ANKRD27: variants seen among roughly 807,000 people sequenced by gnomAD.
ANKRD27 encodes ankyrin repeat domain-containing protein 27.
A neutral mutation model predicts 129.7 loss-of-function variants in ANKRD27; 112 were observed. The observed-to-expected ratio is 0.86, with a 90% CI of 0.74 to 1.01. The LOEUF is 1.01. Ranked by LOEUF, ANKRD27 falls within the 50% of genes least tolerant of loss-of-function variation. The probability of loss-of-function intolerance (pLI) is 0.00; values close to 1 mark genes in which losing one functional copy is unlikely to be tolerated. For missense variants in ANKRD27, 1,258 were observed against 1,300.5 expected, an observed-to-expected ratio of 0.97 and a Z score of 0.50; for synonymous variants, 516 against 511.2, an observed-to-expected ratio of 1.01 and a Z score of -0.13.
At chr19:32,648,830 AAT>A (rs1434044178) in intron 3 of ANKRD27, among the ~76,000 whole-genome samples, 2 of 152,022 alleles carry the variant, frequency 1.3e-5, no homozygotes, top group Non-Finnish European at 2.9e-5. Flanking sequence ...AAATAATAAT[AAT>A]ATGTGTTGAG....
intron 1 of ANKRD27, among the ~76,000 whole-genome samples, chr19:32,663,258 A>G (rs1967681271): frequency 6.6e-6 from 1 of 152,168 alleles, no homozygotes; most frequent in Non-Finnish European, 1.5e-5. Flanking sequence ...CCACCAGCAG[A>G]ATACAGCCCC....
At chr19:32,650,695 A>G (rs1295908193) in intron 2 of ANKRD27, among the ~76,000 whole-genome samples, 1 of 151,702 alleles carries the variant, frequency 6.6e-6, no homozygotes, top group Non-Finnish European at 1.5e-5. Flanking sequence ...AAAAAAAAAA[A>G]AAAGAACACT....
chr19:32,625,852 C>T (rs184953007), intron 17 of ANKRD27, 22 bp downstream of exon 17: 26 of 1,547,004 alleles, frequency 1.7e-5, no homozygotes, highest in African/African-American at 6.9e-5. Context: ...GCAGCCCCCC[C>T]GGAACAGCAA....
chr19:32,666,048 GTGAGCC>G (rs1260119459), intron 1 of ANKRD27, among the ~76,000 whole-genome samples: 5 of 151,862 alleles, frequency 3.3e-5, no homozygotes, highest in Non-Finnish European at 7.4e-5. Flanking sequence ...GATTACAGGC[GTGAGCC>G]ACCACACTCA....
chr19:32,654,479 T>G lies in ANKRD27; in HGVS notation c.102+4435A>C, dbSNP rs147673751. 1.7e-3 allele frequency among the ~76,000 whole-genome samples: 255 copies of G among 152,276 alleles called. 1 individual carries two copies. The highest frequency in any genetic ancestry group is 5.8e-3 in the African/African-American group (242 of 41,568). On this transcript the variant is annotated intron_variant, in intron 2 of 28. Coordinates refer to ENST00000306065, the MANE Select transcript of ANKRD27 (RefSeq NM_032139.3). ...CCTGGAGACCATCGAGATATTCGACTTTTTCTTTCAATCTATGAACATAGG... is the reference window on the plus strand; with the variant it reads ...CCTGGAGACCATCGAGATATTCGACGTTTTCTTTCAATCTATGAACATAGG...
chr19:32,636,065 G>GT (rs1967082276), intron 12 of ANKRD27: 1 of 153,060 alleles, frequency 6.5e-6, no homozygotes, highest in South Asian at 2.0e-4. Context: ...TGCTGCACCC[G>GT]TGACCCACTG....
chr19:32,651,603 C>T (rs927025992), intron 2 of ANKRD27, among the ~76,000 whole-genome samples: 2 of 152,142 alleles, frequency 1.3e-5, no homozygotes, highest in African/African-American at 4.8e-5. Context: ...ATCTCCTGAC[C>T]TTGTGATCTG....
At chr19:32,644,517 T>C in intron 4 of ANKRD27, 38 bp from the exon 5 acceptor site, 4 of 1,604,124 alleles carry the variant, frequency 2.5e-6, no homozygotes, top group Non-Finnish European at 3.4e-6. Context: ...GGCTGAAGCC[T>C]CTGCTGGTTC....
rs554794960 is a variant in ANKRD27 at position 32,665,604 on chromosome 19, C to T, written c.-30-6559G>A. On this transcript the variant is annotated intron_variant, in intron 1 of 28. Coordinates refer to ENST00000306065, the MANE Select transcript of ANKRD27 (RefSeq NM_032139.3). ...CCTCTCAAGTAGCTGGGACTACAGG[C>T]GCCCACCACCATGCCCAGCTAATTT... is the stretch of plus-strand genomic sequence containing the variant. Among the ~76,000 whole-genome samples, 15 of 152,096 alleles carry T rather than the reference C, an allele frequency of 9.9e-5. No individual in the cohort carries two copies. The South Asian group carries it at 2.5e-3, about 25-fold the overall frequency.
intron 9 of ANKRD27, 117 bp from the exon 10 acceptor site, chr19:32,642,262 C>T: frequency 1.9e-6 from 2 of 1,058,262 alleles, no homozygotes; most frequent in African/African-American, 1.6e-5. Context: ...AGGAATGAAA[C>T]ACAAAAACAG....
intron 2 of ANKRD27, among the ~76,000 whole-genome samples, chr19:32,652,496 G>A (rs1324350815): frequency 6.6e-6 from 1 of 152,152 alleles, no homozygotes; most frequent in Non-Finnish European, 1.5e-5. Flanking sequence ...AGGTGGCTGA[G>A]GCCGGGAGGC....
chr19:32,628,512 C>G (rs1365107435), intron 14 of ANKRD27, among the ~76,000 whole-genome samples: 1 of 152,242 alleles, frequency 6.6e-6, no homozygotes, highest in African/African-American at 2.4e-5. Context: ...ACCCTGGCAG[C>G]CAGCCCGCCA....
At position 32,622,733 on chromosome 19, in the gene ANKRD27, A is replaced by G. The variant is rs1972032840; in HGVS notation, c.1630-114T>C. ...TGTGCAGTAACAGACAGAACTCAGAAGTGTCACAGTATCTGATCAGGACAC... is the reference window on the plus strand; with the variant it reads ...TGTGCAGTAACAGACAGAACTCAGAGGTGTCACAGTATCTGATCAGGACAC... On this transcript the variant is annotated intron_variant, in intron 17 of 28. Coordinates refer to ENST00000306065, the MANE Select transcript of ANKRD27 (RefSeq NM_032139.3). 3.3e-6 allele frequency: 3 copies of G among 919,746 alleles called. No individual in the cohort carries two copies. The East Asian group carries it at 7.3e-5, about 22-fold the overall frequency. 57.0% of individuals were successfully genotyped at this position (919,746 alleles called of 1,614,324 possible).
At chr19:32,640,894 CT>C (rs1267933704) in intron 10 of ANKRD27, among the ~76,000 whole-genome samples, 2 of 151,804 alleles carry the variant, frequency 1.3e-5, no homozygotes, top group African/African-American at 4.8e-5. Context: ...GACCCTGTCT[CT>C]TTTTTTTGTT....
chr19:32,652,186 C>T (rs149641669), intron 2 of ANKRD27, among the ~76,000 whole-genome samples: 6 of 152,310 alleles, frequency 3.9e-5, no homozygotes, highest in Non-Finnish European at 7.3e-5. Flanking sequence ...CCGGCATAGA[C>T]GAAGTTCAGA....
Position 32,602,163 on chromosome 19 carries a change from T to C in ANKRD27, c.2656-37A>G, listed in dbSNP as rs779164821. ...AAGGGAAAAGGAACAGTAATGTTTT[T>C]ATTCTTTTTTAATAGGTTATTATTT... On this transcript the variant is annotated intron_variant, in intron 25 of 28. Transcript: ENST00000306065. The C allele has an allele frequency of 1.9e-5, 24 of 1,292,898 alleles. No homozygotes were observed. In the East Asian group the frequency reaches 3.2e-4, roughly 17 times the overall value. 80.1% of individuals were successfully genotyped at this position (1,292,898 alleles called of 1,614,324 possible).
chr19:32,624,905 C>T (rs1972066701), intron 17 of ANKRD27, among the ~76,000 whole-genome samples: 1 of 152,020 alleles, frequency 6.6e-6, no homozygotes, highest in Non-Finnish European at 1.5e-5. Context: ...TGCACTCCAG[C>T]CTGGGCAACA....
intron 17 of ANKRD27, among the ~76,000 whole-genome samples, chr19:32,623,687 T>C (rs909347740): frequency 1.3e-5 from 2 of 152,112 alleles, no homozygotes; most frequent in Non-Finnish European, 2.9e-5. Flanking sequence ...TAGCTGGGAT[T>C]ATAGGTGTGT....
intron 17 of ANKRD27, 119 bp downstream of exon 17, chr19:32,625,755 A>G: frequency 1.1e-6 from 1 of 891,538 alleles, no homozygotes; most frequent in Non-Finnish European, 1.6e-6. Flanking sequence ...TATTAAAAAA[A>G]TTTACACACC....
Sources: gnomAD v4.1 joint callset for allele counts (sites outside exome capture counted in the v4.1 genomes callset) on GRCh38, gnomAD v4.1.1 for gene constraint, MANE v1.5 for transcripts, NCBI Gene and HGNC (gene_info 2026-07-23, HGNC 2026-07-21) for gene names.